The following DISP3 variants were observed in gnomAD, a reference collection of about 807,000 sequenced individuals.
DISP3 encodes protein dispatched homolog 3.
Under a neutral mutation model 135.3 loss-of-function variants are expected in DISP3, and 101 were observed. The observed-to-expected ratio is 0.75, with a 90% CI of 0.64 to 0.88. DISP3 has a LOEUF of 0.88. Ranked by LOEUF, DISP3 falls within the 40% of genes least tolerant of loss-of-function variation. The pLI is 0.00. For synonymous variants in DISP3, 856 were observed against 817.0 expected, an observed-to-expected ratio of 1.05 and a Z score of -0.81; for missense variants, 1,713 against 1,878.6, an observed-to-expected ratio of 0.91 and a Z score of 1.63.
At chr1:11,517,741 G>C in intron 7 of DISP3, 139 bp downstream of exon 7, 3 of 1,159,826 alleles carry the variant, frequency 2.6e-6, no homozygotes, top group Non-Finnish European at 2.4e-6. Context: ...AGGAGAAGAT[G>C]CTTCCATCCA....
chr1:11,509,903 A>G (rs543764365), intron 3 of DISP3, among the ~76,000 whole-genome samples: 1 of 152,266 alleles, frequency 6.6e-6, no homozygotes, highest in East Asian at 1.9e-4. Flanking sequence ...AATCGAGACC[A>G]ACATGGCTAA....
chr1:11,526,965 C>G, intron 13 of DISP3, 130 bp downstream of exon 13: 1 of 1,145,840 alleles, frequency 8.7e-7, no homozygotes, highest in Non-Finnish European at 1.2e-6. Context: ...TTTTCTTACT[C>G]TGTTGCCCAG....
At chr1:11,502,997 T>A in intron 3 of DISP3, 100 bp downstream of exon 3, 1 of 1,089,284 alleles carries the variant, frequency 9.2e-7, no homozygotes. Flanking sequence ...AATCTTTTCC[T>A]TTGGAAGTCT....
intron 19 of DISP3, 96 bp downstream of exon 19, chr1:11,535,220 T>G (rs1642676512): frequency 4.9e-6 from 6 of 1,215,982 alleles, no homozygotes; most frequent in Non-Finnish European, 5.8e-6. Context: ...CTCTGAACCT[T>G]TCACTGTCAC....
At chr1:11,525,438 TC>T (rs1642386628) in intron 12 of DISP3, 126 bp downstream of exon 12, 3 of 1,197,602 alleles carry the variant, frequency 2.5e-6, no homozygotes, top group Non-Finnish European at 3.3e-6. Context: ...AAGACCCCCC[TC>T]CCCTAAACCA....
At chr1:11,521,454 AAAGGAGGAGTTAGCCAGGT>A (rs1642191494) in intron 10 of DISP3, among the ~76,000 whole-genome samples, 2 of 115,094 alleles carry the variant, frequency 1.7e-5, no homozygotes, top group Admixed American at 8.8e-5. Flanking sequence ...AGAGGAGGGA[AAAGGAGGAGTTAGCCAGGT>A]GAGGAGGGGA....
At position 11,520,875 on chromosome 1, in the gene DISP3, G is replaced by A; in HGVS notation, c.2362+27G>A. On this transcript the variant is annotated intron_variant, in intron 10 of 20. Coordinates refer to ENST00000294484, the MANE Select transcript of DISP3 (RefSeq NM_020780.2). The surrounding 1 kb of genome is among the most constrained non-coding windows in gnomAD (Gnocchi z 4.8). Reference sequence around the variant, plus strand: ...TGAGGCTTCTAGCCAGGCTGTCCCTGGCCCGCTCAGGTGTCCGGGTCCCAA... The same window carrying A: ...TGAGGCTTCTAGCCAGGCTGTCCCTAGCCCGCTCAGGTGTCCGGGTCCCAA... 1.3e-6 allele frequency: 2 copies of A among 1,563,226 alleles called. No homozygotes were observed. Among genetic ancestry groups the A allele is most frequent in the Non-Finnish European group, 1.7e-6 (2 of 1,152,742 alleles).
At chr1:11,510,923 G>A (rs1641839477) in intron 3 of DISP3, among the ~76,000 whole-genome samples, 1 of 152,184 alleles carries the variant, frequency 6.6e-6, no homozygotes, top group Non-Finnish European at 1.5e-5. Context: ...ATGGCAGGAG[G>A]CAAAAGGCAC....
At position 11,499,265 on chromosome 1, in the gene DISP3, C is replaced by T. The variant is rs749851777; in HGVS notation, c.-3-1725C>T. Among the ~76,000 whole-genome samples the T allele has an allele frequency of 2.6e-5, 4 of 152,154 alleles. No homozygotes were observed. The highest frequency in any genetic ancestry group is 2.1e-4 in the South Asian group (1 of 4,824). ...ACTCCCCACAAGGCAGGCTGAGGCA[C>T]GGGCAGGATGGATGGGTTTAGTTCC... On this transcript the variant is annotated intron_variant, in intron 1 of 20. Coordinates refer to ENST00000294484, the MANE Select transcript of DISP3 (RefSeq NM_020780.2). This position sits in a 1 kb window ranked among gnomAD's most constrained non-coding sequence, Gnocchi z 5.2.
At chr1:11,487,467 G>A (rs747171452) in intron 1 of DISP3, among the ~76,000 whole-genome samples, 14 of 152,328 alleles carry the variant, frequency 9.2e-5, no homozygotes, top group South Asian at 2.1e-4. Context: ...TGATTGCTTC[G>A]GGAAAAGGAG....
chr1:11,536,287 A>G lies in DISP3; in HGVS notation c.3817-37A>G, dbSNP rs756301549. 62 of 1,574,734 alleles carry G rather than the reference A, an allele frequency of 3.9e-5. 1 individual carries two copies. In the East Asian group the frequency reaches 1.4e-3, roughly 35 times the overall value. On this transcript the variant is annotated intron_variant, in intron 20 of 20. Coordinates refer to ENST00000294484, the MANE Select transcript of DISP3 (RefSeq NM_020780.2). This position sits in a 1 kb window ranked among gnomAD's most constrained non-coding sequence, Gnocchi z 4.3. ...CAGGTGCTGGCCAGAGGGGTCCCGCAGGCAGGCTGGGCTCCCAGCTCTCCT... is the reference window on the plus strand; with the variant it reads ...CAGGTGCTGGCCAGAGGGGTCCCGCGGGCAGGCTGGGCTCCCAGCTCTCCT...
chr1:11,481,727 A>G (rs1261180711), intron 1 of DISP3: 1 of 152,228 alleles, frequency 6.6e-6, no homozygotes, highest in African/African-American at 2.4e-5. Flanking sequence ...AATCTGGAAC[A>G]TTGACTCTCT....
chr1:11,484,362 C>T (rs936993060), intron 1 of DISP3, among the ~76,000 whole-genome samples: 3 of 152,214 alleles, frequency 2.0e-5, no homozygotes, highest in Non-Finnish European at 4.4e-5. Flanking sequence ...AGGTTTGGAA[C>T]TAATGCCAAG....
rs969284779 is a variant in DISP3 at position 11,493,988 on chromosome 1, T to G, written c.-3-7002T>G. On this transcript the variant is annotated intron_variant, in intron 1 of 20. Transcript: ENST00000294484. Reference sequence around the variant, plus strand: ...GTGGTCTTATGGGGATGGGGCAAACTTGCTAAAAGGCAATGGGTTTCTTCA... The same window carrying G: ...GTGGTCTTATGGGGATGGGGCAAACGTGCTAAAAGGCAATGGGTTTCTTCA... 3.3e-5 allele frequency among the ~76,000 whole-genome samples: 5 copies of G among 152,338 alleles called. 1 individual carries two copies. The South Asian group carries it at 1.0e-3, about 32-fold the overall frequency.
chr1:11,529,945 G>A lies in DISP3; in HGVS notation c.3088G>A (p.Val1030Ile), dbSNP rs1642533489. Residue 1030 changes from valine (V) to isoleucine (I), a missense_variant, in exon 15 of 21, where the codon GTC becomes ATC. Physicochemically the swap from Val to Ile is conservative, Grantham distance 29 (BLOSUM62 3). Around this residue, in one of 2 missense-constraint regions of DISP3, gnomAD observed 1,142 missense variants for 1,384.6 expected, o/e 0.82. Coordinates refer to ENST00000294484, the MANE Select transcript of DISP3 (RefSeq NM_020780.2). This position sits in a 1 kb window ranked among gnomAD's most constrained non-coding sequence, Gnocchi z 4.7. Reference protein sequence around the residue: ...VNRTRQVDNHVIGDPGSVVYD... With the variant: ...VNRTRQVDNHIIGDPGSVVYD... Reference sequence around the variant, plus strand: ...CCGCACTCGGCAGGTGGACAACCACGTCATTGGAGACCCGGTACGGGGCAT... The same window carrying A: ...CCGCACTCGGCAGGTGGACAACCACATCATTGGAGACCCGGTACGGGGCAT... 7 of 1,613,138 alleles carry A rather than the reference G, an allele frequency of 4.3e-6. No individual in the cohort carries two copies. Among genetic ancestry groups the A allele is most frequent in the East Asian group, 2.2e-5 (1 of 44,888 alleles).
chr1:11,502,100 G>T lies in DISP3; in HGVS notation c.1096+12G>T. 2 of 1,537,718 alleles carry T rather than the reference G, an allele frequency of 1.3e-6. No homozygotes were observed. Among genetic ancestry groups the T allele is most frequent in the Non-Finnish European group, 8.7e-7 (1 of 1,143,504 alleles). On this transcript the variant is annotated intron_variant, in intron 2 of 20. Coordinates refer to ENST00000294484, the MANE Select transcript of DISP3 (RefSeq NM_020780.2). ...GGCGGACATCCGGGGTGAGCCGCCG[G>T]GATGCTGGGAGGGGGCGTAGGTCCA...
intron 1 of DISP3, among the ~76,000 whole-genome samples, chr1:11,490,578 A>T (rs1641156969): frequency 6.6e-6 from 1 of 151,900 alleles, no homozygotes; most frequent in Non-Finnish European, 1.5e-5. Flanking sequence ...CATGTTGGTG[A>T]TTTTATTAAG....
chr1:11,536,413 C>T lies in DISP3; in HGVS notation c.3906C>T (p.Ile1302=), dbSNP rs767057481. 5.6e-6 allele frequency: 9 copies of T among 1,612,740 alleles called. No individual in the cohort carries two copies. The highest frequency in any genetic ancestry group is 5.3e-5 in the African/African-American group (4 of 74,946). The change falls in exon 21 of 21, where the codon ATC becomes ATT. Residue 1302 remains isoleucine (I), a synonymous_variant. Transcript: ENST00000294484. This position sits in a 1 kb window ranked among gnomAD's most constrained non-coding sequence, Gnocchi z 4.3. ...TCTCCAGTGCCCTCACCACGGTCAT[C>T]GCCACAGTGCCCCTCTTCTTCTGCA... ...AIVSSALTTV[I]ATVPLFFCII...
Position 11,519,642 on chromosome 1 carries a change from G to T in DISP3, c.2039-77G>T. ...CTGTGGGCTTCCTCACCAGGCATCTGGGCTTCCCTGGAAGCGAGCGTGGAC... is the reference window on the plus strand; with the variant it reads ...CTGTGGGCTTCCTCACCAGGCATCTTGGCTTCCCTGGAAGCGAGCGTGGAC... On this transcript the variant is annotated intron_variant, in intron 8 of 20. Coordinates refer to ENST00000294484, the MANE Select transcript of DISP3 (RefSeq NM_020780.2). This position sits in a 1 kb window ranked among gnomAD's most constrained non-coding sequence, Gnocchi z 4.3. 1 of 1,574,686 alleles carries T rather than the reference G, an allele frequency of 6.4e-7. No homozygotes were observed.
Sources: gnomAD v4.1 joint callset for allele counts (sites outside exome capture counted in the v4.1 genomes callset) on GRCh38, gnomAD v4.1.1 for gene constraint, gnomAD v4.1.1 regional missense constraint, Gnocchi (gnomAD v3.1) non-coding constraint, MANE v1.5 for transcripts, NCBI Gene and HGNC (gene_info 2026-07-23, HGNC 2026-07-21) for gene names.